Variants in PLEKHJ1 observed in about 807,000 individuals in gnomAD.
PLEKHJ1 encodes the protein pleckstrin homology domain-containing family J member 1.
In PLEKHJ1, 20 loss-of-function variants were observed where a neutral mutation model predicts 21.7. That is an observed-to-expected ratio of 0.92 (90% confidence interval 0.65 to 1.34). PLEKHJ1 has a LOEUF of 1.34. Among genes scored for constraint, PLEKHJ1 ranks in the 40% most tolerant of loss-of-function variants. PLEKHJ1 has a pLI of 0.00. For missense variants in PLEKHJ1, 241 were observed against 202.0 expected, an observed-to-expected ratio of 1.19 and a Z score of -1.17; for synonymous variants, 113 against 80.6, an observed-to-expected ratio of 1.40 and a Z score of -2.15.
At chr19:2,230,416 C>T (rs1339477337), downstream of PLEKHJ1, 2 of 400,268 alleles carry the variant, frequency 5.0e-6, no homozygotes, top group Non-Finnish European at 4.4e-6. Context: ...ACTGTTCACC[C>T]TCCGGGGCGT....
intron 3 of PLEKHJ1, chr19:2,234,605 A>G: frequency 4.1e-6 from 1 of 246,720 alleles, no homozygotes; most frequent in South Asian, 5.3e-5. Context: ...GCCACTCCGG[A>G]GTCAGAAGTG....
Position 2,234,218 on chromosome 19 carries a change from CCT to C in PLEKHJ1, c.250_251del (p.Arg84GlufsTer5), listed in dbSNP as rs1568384468. ...FSISFIEDPE[R>X]KYHFECSSEE... ...CGCTGCTGCACTCAAAGTGATACTT[CCT>C]CTCAGGGTCCTCAATGAAGCCTGGG... On this transcript the variant is annotated frameshift_variant, in exon 4 of 6. Transcript: ENST00000326631. LOFTEE classifies it high-confidence loss of function. 3 of 1,612,976 alleles carry C rather than the reference CCT, an allele frequency of 1.9e-6. No individual in the cohort carries two copies. Among genetic ancestry groups the C allele is most frequent in the Non-Finnish European group, 2.5e-6 (3 of 1,179,944 alleles).
At position 2,233,828 on chromosome 19, in the gene PLEKHJ1, C is replaced by CG; in HGVS notation, c.*11dup. 6.3e-7 allele frequency: 1 copy of CG among 1,597,310 alleles called. No individual in the cohort carries two copies. On this transcript the variant is annotated 3_prime_UTR_variant, in exon 6 of 6. Transcript: ENST00000326631. ...TCCCGTCCCGCTGCACGCTGACCAC[C>CG]GTGCCCTGCGCTCACGCCTGCAAGC...
chr19:2,233,358 C>T lies in PLEKHJ1; in HGVS notation c.*482G>A, dbSNP rs544931615. 176 of 173,310 alleles carry T rather than the reference C, an allele frequency of 1.0e-3. No individual in the cohort carries two copies. Among genetic ancestry groups the T allele is most frequent in the African/African-American group, 4.0e-3 (162 of 40,324 alleles). The allele number at this position is 173,310 out of a possible 1,614,324, so 10.7% of individuals were successfully genotyped here. ...GGGGGCCATGCCACCAGCCTGGGGGCTCACCAGGCCCCTGGATGCACACAA... is the reference window on the plus strand; with the variant it reads ...GGGGGCCATGCCACCAGCCTGGGGGTTCACCAGGCCCCTGGATGCACACAA... On this transcript the variant is annotated 3_prime_UTR_variant, in exon 6 of 6. Transcript: ENST00000326631.
chr19:2,234,048 G>T lies in PLEKHJ1; in HGVS notation c.334C>A (p.Arg112=). ...ALRRASYEFM[R]RSLIFYRNEI... ...TTCCTGTAGAAGATGAGGCTTCTCC[G>T]CATGAACTCGTAGCTGGGGAAAAGG... is the stretch of plus-strand genomic sequence containing the variant. Residue 112 remains arginine (R), a synonymous_variant, in exon 5 of 6, where the codon CGG becomes AGG. Transcript: ENST00000326631. The T allele has an allele frequency of 6.2e-7, 1 of 1,613,478 alleles. No homozygotes were observed. The highest frequency in any genetic ancestry group is 8.5e-7 in the Non-Finnish European group (1 of 1,179,996).
chr19:2,230,023 AT>A (rs1403783652), downstream of PLEKHJ1: 46 of 678,444 alleles, frequency 6.8e-5, no homozygotes, highest in Non-Finnish European at 5.3e-5. Context: ...AGTATAAACA[AT>A]TCTGACTTAT....
Position 2,236,011 on chromosome 19 carries a change from CAG to C in PLEKHJ1, c.95-23_95-22del, listed in dbSNP as rs1413993295. The C allele has an allele frequency of 3.1e-6, 5 of 1,594,994 alleles. No homozygotes were observed. The Admixed American group carries it at 5.1e-5, about 16-fold the overall frequency. On this transcript the variant is annotated intron_variant, in intron 1 of 5. Transcript: ENST00000326631. Reference sequence around the variant, plus strand: ...CAGCACTGCGGGCACAGCGCGCACTCAGGGGCGCAGGCAGCCCCCGCCCGGAC... The same window carrying C: ...CAGCACTGCGGGCACAGCGCGCACTCGGGCGCAGGCAGCCCCCGCCCGGAC...
intron 1 of PLEKHJ1, 56 bp downstream of exon 1, chr19:2,236,098 AC>A: frequency 7.3e-7 from 1 of 1,378,044 alleles, no homozygotes; most frequent in Non-Finnish European, 9.4e-7. Flanking sequence ...CCCCGCCCAG[AC>A]CCCGGCCCCG....
At chr19:2,230,412 C>A, downstream of PLEKHJ1, 1 of 401,334 alleles carries the variant, frequency 2.5e-6, no homozygotes, top group East Asian at 3.6e-5. Context: ...CCAGACTGTT[C>A]ACCCTCCGGG....
chr19:2,236,024 A>G (rs1399330977), intron 1 of PLEKHJ1, 34 bp from the exon 2 acceptor site: 28 of 1,576,386 alleles, frequency 1.8e-5, no homozygotes, highest in Non-Finnish European at 2.4e-5. Flanking sequence ...GGGCGCAGGC[A>G]GCCCCCGCCC....
At position 2,233,763 on chromosome 19, in the gene PLEKHJ1, TC is replaced by T; in HGVS notation, c.*76del. On this transcript the variant is annotated 3_prime_UTR_variant, in exon 6 of 6. Coordinates refer to ENST00000326631, the MANE Select transcript of PLEKHJ1 (RefSeq NM_018049.3). Reference sequence around the variant, plus strand: ...AAACCAAAAACCAAAACAAAACAGATCCAGGCATGGCCAAGCGATTCATGGC... The same window carrying T: ...AAACCAAAAACCAAAACAAAACAGATCAGGCATGGCCAAGCGATTCATGGC... 1 of 1,389,518 alleles carries T rather than the reference TC, an allele frequency of 7.2e-7. No individual in the cohort carries two copies. Among genetic ancestry groups the T allele is most frequent in the Non-Finnish European group, 9.8e-7 (1 of 1,017,516 alleles). 86.1% of individuals were successfully genotyped at this position (1,389,518 alleles called of 1,614,324 possible). A position where few individuals can be genotyped will look rare whatever the true frequency, so the allele number is the denominator to read the frequency against.
chr19:2,236,113 T>C (rs2024805454), intron 1 of PLEKHJ1, 42 bp downstream of exon 1: 1 of 1,393,520 alleles, frequency 7.2e-7, no homozygotes, highest in South Asian at 1.5e-5. Context: ...GGCCCCGGCC[T>C]CCCGCCCCTG....
At chr19:2,233,938 C>T (rs1599643217) in intron 5 of PLEKHJ1, 33 bp from the exon 6 acceptor site, 3 of 1,612,348 alleles carry the variant, frequency 1.9e-6, no homozygotes, top group Non-Finnish European at 2.5e-6. Flanking sequence ...TGAGCCAGGG[C>T]TGGAGGACTG....
At chr19:2,232,836 C>A (rs2024660807), downstream of PLEKHJ1, among the ~76,000 whole-genome samples, 1 of 152,222 alleles carries the variant, frequency 6.6e-6, no homozygotes, top group Non-Finnish European at 1.5e-5. Context: ...AAAACCAGAT[C>A]TGCGACCCCA....
chr19:2,230,440 G>C, downstream of PLEKHJ1: 1 of 399,946 alleles, frequency 2.5e-6, no homozygotes, highest in Non-Finnish European at 4.4e-6. Flanking sequence ...TTGCGCCCTT[G>C]CATGTGAAGG....
At chr19:2,235,488 A>G in intron 3 of PLEKHJ1, 3 of 500,666 alleles carry the variant, frequency 6.0e-6, no homozygotes, top group Non-Finnish European at 1.1e-5. Flanking sequence ...GGGCTGGCCC[A>G]CCTGCCCTGT....
rs2024690300 is a variant in PLEKHJ1 at position 2,233,774 on chromosome 19, C to A, written c.*66G>T. The stretch of plus-strand genomic sequence containing the variant: ...CAAAACAAAACAGATCCAGGCATGG[C>A]CAAGCGATTCATGGCTGGGCAGGGC... On this transcript the variant is annotated 3_prime_UTR_variant, in exon 6 of 6. Coordinates refer to ENST00000326631, the MANE Select transcript of PLEKHJ1 (RefSeq NM_018049.3). 1.4e-6 allele frequency: 2 copies of A among 1,451,240 alleles called. No individual in the cohort carries two copies. The highest frequency in any genetic ancestry group is 2.0e-5 in the Admixed American group (1 of 50,144). 89.9% of individuals were successfully genotyped at this position (1,451,240 alleles called of 1,614,324 possible). A position where few individuals can be genotyped will look rare whatever the true frequency, so the allele number is the denominator to read the frequency against.
downstream of PLEKHJ1, chr19:2,230,016 A>G: frequency 1.4e-6 from 1 of 708,232 alleles, no homozygotes; most frequent in Non-Finnish European, 2.3e-6. Flanking sequence ...TTTAAAAAGT[A>G]TAAACAATTC....
chr19:2,233,009 C>T (rs926711979), downstream of PLEKHJ1: 2 of 152,440 alleles, frequency 1.3e-5, no homozygotes, highest in African/African-American at 4.8e-5. Flanking sequence ...GGGTCCCAGC[C>T]TCCACCTGTC....
Sources: allele counts gnomAD v4.1 joint callset (sites outside exome capture counted in the v4.1 genomes callset), GRCh38; gene constraint gnomAD v4.1.1; transcripts MANE v1.5; gene names NCBI Gene and HGNC (gene_info 2026-07-23, HGNC 2026-07-21).